XNDC1N: variants seen among roughly 807,000 people sequenced by gnomAD.
XNDC1N encodes the protein XRCC1 N-terminal domain containing 1, N-terminal like.
chr11:71,919,544 T>G, the XNDC1N span, among the ~76,000 whole-genome samples: 1 of 151,582 alleles, frequency 6.6e-6, no homozygotes, highest in Non-Finnish European at 1.5e-5. Flanking sequence ...CCCACCACCA[T>G]GCCCAGCTAA....
At chr11:71,868,157 T>C in the XNDC1N span, among the ~76,000 whole-genome samples, 1 of 152,234 alleles carries the variant, frequency 6.6e-6, no homozygotes, top group Non-Finnish European at 1.5e-5. Flanking sequence ...TTTGAGCCTT[T>C]ACTTTGAGCC....
the XNDC1N span, among the ~76,000 whole-genome samples, chr11:71,873,327 T>A: frequency 6.6e-5 from 10 of 152,206 alleles, no homozygotes; most frequent in African/African-American, 2.4e-4. Context: ...TTTTTTCAGA[T>A]CTAATTATTT....
chr11:71,871,587 T>A, the XNDC1N span, among the ~76,000 whole-genome samples: 5 of 152,198 alleles, frequency 3.3e-5, no homozygotes, highest in African/African-American at 1.2e-4. Context: ...CATGATCTAA[T>A]TATTCCACAT....
the XNDC1N span, among the ~76,000 whole-genome samples, chr11:71,890,254 A>T: frequency 6.6e-6 from 1 of 152,178 alleles, no homozygotes; most frequent in East Asian, 1.9e-4. Context: ...CTTTATTGGG[A>T]GTAATATCAT....
the XNDC1N span, among the ~76,000 whole-genome samples, chr11:71,880,385 T>G: frequency 6.6e-6 from 1 of 152,168 alleles, no homozygotes; most frequent in African/African-American, 2.4e-5. Context: ...ATTTCTGATT[T>G]TATTTATTTG....
the XNDC1N span, among the ~76,000 whole-genome samples, chr11:71,905,781 T>C: frequency 1.3e-5 from 2 of 152,060 alleles, no homozygotes; most frequent in African/African-American, 4.8e-5. Flanking sequence ...TCACAGGATG[T>C]ACACACATGG....
chr11:71,915,265 G>A, the XNDC1N span, among the ~76,000 whole-genome samples: 18 of 152,108 alleles, frequency 1.2e-4, no homozygotes, highest in South Asian at 1.7e-3. Flanking sequence ...TGGCTAACAC[G>A]GTGAAACCCT....
chr11:71,875,924 G>T, the XNDC1N span, among the ~76,000 whole-genome samples: 8 of 152,176 alleles, frequency 5.3e-5, no homozygotes, highest in Non-Finnish European at 1.0e-4. Context: ...TACATGGGAG[G>T]TTGAGGCAGG....
chr11:71,916,354 G>A, the XNDC1N span: 2 of 627,688 alleles, frequency 3.2e-6, no homozygotes, highest in African/African-American at 1.8e-5. Flanking sequence ...GCTATAGAGA[G>A]TAACCTCCAA....
chr11:71,901,926 A>G, the XNDC1N span, among the ~76,000 whole-genome samples: 1 of 152,094 alleles, frequency 6.6e-6, no homozygotes, highest in African/African-American at 2.4e-5. Context: ...TCAACTCCAC[A>G]CAATTCAACG....
At chr11:71,908,218 TA>T in the XNDC1N span, among the ~76,000 whole-genome samples, 1 of 151,936 alleles carries the variant, frequency 6.6e-6, no homozygotes, top group Non-Finnish European at 1.5e-5. Context: ...AAATAATTGC[TA>T]ATAAAAAGTT....
chr11:71,891,536 T>G, the XNDC1N span, among the ~76,000 whole-genome samples: 98 of 152,148 alleles, frequency 6.4e-4, no homozygotes, highest in Non-Finnish European at 1.2e-3. Context: ...TTGGATGTAA[T>G]ATGATCCTCT....
chr11:71,909,685 G>A, the XNDC1N span, among the ~76,000 whole-genome samples: 4,256 of 152,248 alleles, frequency 0.028, 66 homozygotes, highest in East Asian at 0.077. Flanking sequence ...GAATATTGAC[G>A]TCATCGGAGC....
chr11:71,879,130 A>G, the XNDC1N span, among the ~76,000 whole-genome samples: 1 of 152,220 alleles, frequency 6.6e-6, no homozygotes, highest in Non-Finnish European at 1.5e-5. Context: ...GACTAGAAGA[A>G]GGGCTAGAGG....
chr11:71,900,328 T>C, the XNDC1N span, among the ~76,000 whole-genome samples: 4 of 152,244 alleles, frequency 2.6e-5, no homozygotes, highest in African/African-American at 9.6e-5. Flanking sequence ...CCTCAGTCTC[T>C]CATCCCACCC....
chr11:71,869,907 C>G, the XNDC1N span, among the ~76,000 whole-genome samples: 1 of 152,158 alleles, frequency 6.6e-6, no homozygotes, highest in Non-Finnish European at 1.5e-5. Context: ...CTGTATTAAT[C>G]TGTTCTCAAG....
the XNDC1N span, among the ~76,000 whole-genome samples, chr11:71,899,116 G>C: frequency 6.6e-6 from 1 of 152,120 alleles, no homozygotes; most frequent in Non-Finnish European, 1.5e-5. Flanking sequence ...GGGAACTTGG[G>C]TGACTTTGGC....
At chr11:71,872,857 T>C in the XNDC1N span, among the ~76,000 whole-genome samples, 6 of 152,246 alleles carry the variant, frequency 3.9e-5, no homozygotes, top group Admixed American at 3.9e-4. Context: ...TTGGTCAATA[T>C]TATTCATTCG....
the XNDC1N span, among the ~76,000 whole-genome samples, chr11:71,925,074 T>C: frequency 6.6e-6 from 1 of 151,838 alleles, no homozygotes; most frequent in Non-Finnish European, 1.5e-5. Flanking sequence ...CTCTTTCCCA[T>C]TTACCAAATC....
Sources: allele counts gnomAD v4.1 joint callset (sites outside exome capture counted in the v4.1 genomes callset), GRCh38; gene constraint gnomAD v4.1.1; transcripts MANE v1.5; gene names NCBI Gene and HGNC (gene_info 2026-07-23, HGNC 2026-07-21).